LDB2: variants seen among roughly 807,000 people sequenced by gnomAD.
LDB2 encodes the protein LIM domain-binding protein 2.
A neutral mutation model predicts 44.3 loss-of-function variants in LDB2; 12 were observed. The ratio of observed to expected loss-of-function variants is 0.27; its 90% CI spans 0.17 to 0.44. The LOEUF is 0.44. LDB2 is among the 20% of genes least tolerant of loss of function. The probability of loss-of-function intolerance (pLI) is 1.00; values close to 1 mark genes in which losing one functional copy is unlikely to be tolerated. For missense variants in LDB2, 344 were observed against 473.5 expected, an observed-to-expected ratio of 0.73 and a Z score of 2.54; for synonymous variants, 164 against 174.8, an observed-to-expected ratio of 0.94 and a Z score of 0.49.
intron 2 of LDB2, among the ~76,000 whole-genome samples, chr4:16,739,066 A>G (rs754669487): frequency 1.3e-5 from 2 of 152,098 alleles, no homozygotes; most frequent in African/African-American, 4.8e-5. Flanking sequence ...GCTTTTTCCA[A>G]TTCTTCCAGA....
chr4:16,876,720 C>T (rs1275914856), intron 1 of LDB2, among the ~76,000 whole-genome samples: 1 of 151,532 alleles, frequency 6.6e-6, no homozygotes, highest in Non-Finnish European at 1.5e-5. Flanking sequence ...TCTCTAGGTA[C>T]ATTAGGGGAA....
chr4:16,548,918 G>A (rs374330160), intron 5 of LDB2, among the ~76,000 whole-genome samples: 2 of 152,320 alleles, frequency 1.3e-5, no homozygotes, highest in East Asian at 3.9e-4. Context: ...ATTTCTAGAA[G>A]ATTAAGAGCA....
chr4:16,595,681 T>A, intron 3 of LDB2, 22 bp downstream of exon 3: 2 of 1,602,518 alleles, frequency 1.2e-6, no homozygotes, highest in Non-Finnish European at 1.7e-6. Flanking sequence ...AAGCCGGGCA[T>A]GTGACAGAGC....
chr4:16,674,816 GAC>G (rs796453616), intron 2 of LDB2, among the ~76,000 whole-genome samples: 4 of 151,068 alleles, frequency 2.6e-5, no homozygotes, highest in Admixed American at 1.3e-4. Context: ...CATATACACA[GAC>G]ACACACACAC....
chr4:16,817,952 A>C (rs1781254427), intron 1 of LDB2, among the ~76,000 whole-genome samples: 1 of 152,204 alleles, frequency 6.6e-6, no homozygotes, highest in Admixed American at 6.5e-5. Context: ...TGGTAGCCTA[A>C]AACAACAATT....
chr4:16,795,389 A>G (rs1776548406), intron 1 of LDB2, among the ~76,000 whole-genome samples: 1 of 152,188 alleles, frequency 6.6e-6, no homozygotes, highest in Non-Finnish European at 1.5e-5. Context: ...AGGAACGTGC[A>G]AGTGCAAGGT....
At chr4:16,672,836 C>T (rs66775505) in intron 2 of LDB2, among the ~76,000 whole-genome samples, 74 of 15,126 alleles carry the variant, frequency 4.9e-3, no homozygotes, top group Non-Finnish European at 8.5e-3. Flanking sequence ...GCCTTCTTTC[C>T]TTCCTTCCTT....
intron 1 of LDB2, among the ~76,000 whole-genome samples, chr4:16,786,979 C>T (rs1774572383): frequency 6.6e-6 from 1 of 152,068 alleles, no homozygotes; most frequent in South Asian, 2.1e-4. Flanking sequence ...ATTTCCATCT[C>T]CCCTGAAGTT....
At chr4:16,858,868 T>C (rs1261706988) in intron 1 of LDB2, among the ~76,000 whole-genome samples, 1 of 152,258 alleles carries the variant, frequency 6.6e-6, no homozygotes, top group Non-Finnish European at 1.5e-5. Context: ...CTTTACGATA[T>C]CTTTTAAAAA....
chr4:16,508,608 C>A lies in LDB2; in HGVS notation c.818G>T (p.Gly273Val). Residue 273 changes from glycine (G) to valine (V), a missense_variant, in exon 7 of 8, where the codon GGG becomes GTG. Gly to Val is a moderately radical substitution (Grantham distance 109). Around this residue, in one of 3 missense-constraint regions of LDB2, gnomAD observed 86 missense variants for 171.2 expected, o/e 0.50. Transcript: ENST00000304523. ...STSSTSNSSA[G>V]NNANSTGSKK... ...GCTGCCAGTGCTGTTTGCATTGTTC[C>A]CAGCGCTGCTGTTGGAAGTGCTGCT... 1.9e-6 allele frequency: 3 copies of A among 1,613,702 alleles called. No homozygotes were observed. Among genetic ancestry groups the A allele is most frequent in the Non-Finnish European group, 2.5e-6 (3 of 1,179,834 alleles).
rs376407374 is a variant in LDB2, at chr4:16,598,410, CA to C, written c.236-2536del. On this transcript the variant is annotated intron_variant, in intron 2 of 7. Transcript: ENST00000304523. ...CAACCCCAGCTGAGCTTCCAGCCAA[CA>C]AACAGCACTAACTTGCATGGGAGAA... is the stretch of plus-strand genomic sequence containing the variant. Among the ~76,000 whole-genome samples, 29 of 152,280 alleles carry C rather than the reference CA, an allele frequency of 1.9e-4. No individual in the cohort carries two copies. In the East Asian group the frequency reaches 5.2e-3, roughly 27 times the overall value.
intron 1 of LDB2, among the ~76,000 whole-genome samples, chr4:16,841,643 C>T (rs1490448759): frequency 6.6e-6 from 1 of 152,186 alleles, no homozygotes; most frequent in East Asian, 1.9e-4. Flanking sequence ...CTTCTTCCCC[C>T]TTTTCTCCTT....
intron 7 of LDB2, among the ~76,000 whole-genome samples, chr4:16,505,360 CGTGT>C (rs570015306): frequency 4.1e-4 from 62 of 149,598 alleles, no homozygotes; most frequent in African/African-American, 1.5e-3. Flanking sequence ...AGAGAGAGAG[CGTGT>C]GTGTGTGTGT....
intron 5 of LDB2, among the ~76,000 whole-genome samples, chr4:16,527,983 T>C (rs1402691085): frequency 7.2e-6 from 1 of 139,240 alleles, no homozygotes; most frequent in Non-Finnish European, 1.6e-5. Flanking sequence ...GAAACTGTGG[T>C]GTATATATAT....
At chr4:16,516,156 C>T (rs547651823) in intron 5 of LDB2, among the ~76,000 whole-genome samples, 17 of 152,096 alleles carry the variant, frequency 1.1e-4, no homozygotes, top group Non-Finnish European at 2.2e-4. Flanking sequence ...TGAGCCACCA[C>T]GCCCAGCCTA....
chr4:16,576,301 GT>G (rs1218454271), intron 5 of LDB2, among the ~76,000 whole-genome samples: 3 of 151,446 alleles, frequency 2.0e-5, no homozygotes, highest in Admixed American at 2.0e-4. Context: ...ATGAAGGTTG[GT>G]TTTTTTGAAA....
chr4:16,541,331 C>G (rs747907858), intron 5 of LDB2, among the ~76,000 whole-genome samples: 1 of 152,094 alleles, frequency 6.6e-6, no homozygotes, highest in Non-Finnish European at 1.5e-5. Context: ...CTCCTTGCTC[C>G]TGCATTCTCC....
intron 5 of LDB2, among the ~76,000 whole-genome samples, chr4:16,530,498 C>A (rs537188237): frequency 2.0e-5 from 3 of 152,340 alleles, no homozygotes; most frequent in African/African-American, 7.2e-5. Flanking sequence ...CAAGGGCACA[C>A]TGAAAGCAAA....
At chr4:16,640,849 A>G (rs1292682156) in intron 2 of LDB2, among the ~76,000 whole-genome samples, 2 of 152,218 alleles carry the variant, frequency 1.3e-5, no homozygotes, top group Non-Finnish European at 2.9e-5. Context: ...TAGATCTAAG[A>G]TTTCTATTTG....
Sources: gnomAD v4.1 joint callset for allele counts (sites outside exome capture counted in the v4.1 genomes callset) on GRCh38, gnomAD v4.1.1 for gene constraint, gnomAD v4.1.1 regional missense constraint, MANE v1.5 for transcripts, NCBI Gene and HGNC (gene_info 2026-07-23, HGNC 2026-07-21) for gene names.